ZNF280D: variants seen among roughly 807,000 people sequenced by gnomAD.
ZNF280D encodes the protein suppressor of hairy wing homolog 4.
In ZNF280D, 39 loss-of-function variants were observed where a neutral mutation model predicts 94.7. That is an observed-to-expected ratio of 0.41 (90% confidence interval 0.32 to 0.54). The LOEUF (loss-of-function observed/expected upper bound fraction) is 0.54. Among genes scored for constraint, ZNF280D ranks in the 20% least tolerant of loss-of-function variants. The pLI is 0.22. For missense variants in ZNF280D, 1,090 were observed against 1,149.3 expected (o/e 0.95, Z 0.75); for synonymous variants, 398 against 377.6 (o/e 1.05, Z -0.63).
At chr15:56,634,527 T>C (rs921813888) in intron 21 of ZNF280D, among the ~76,000 whole-genome samples, 1 of 152,048 alleles carries the variant, frequency 6.6e-6, no homozygotes, top group African/African-American at 2.4e-5. Flanking sequence ...ACTTAATCCA[T>C]AACTTGCTTT....
intron 13 of ZNF280D, among the ~76,000 whole-genome samples, chr15:56,673,056 A>G (rs1457589573): frequency 6.6e-6 from 1 of 152,058 alleles, no homozygotes; most frequent in Non-Finnish European, 1.5e-5. Context: ...TAGATACCAA[A>G]ACAATACAGC....
At chr15:56,702,591 TCAA>T (rs2057145617) in intron 4 of ZNF280D, among the ~76,000 whole-genome samples, 1 of 152,194 alleles carries the variant, frequency 6.6e-6, no homozygotes, top group Admixed American at 6.5e-5. Flanking sequence ...TGTCATGTTT[TCAA>T]TAAGAGTTTG....
In ZNF280D at chr15:56,721,170, G is replaced by T. The variant is rs1186023114; in HGVS notation, c.-86+12288C>A. Among the ~76,000 whole-genome samples, 9 of 152,114 alleles carry T rather than the reference G, an allele frequency of 5.9e-5. No individual in the cohort carries two copies. The South Asian group carries it at 1.7e-3, about 28-fold the overall frequency. On this transcript the variant is annotated intron_variant, in intron 1 of 21. Coordinates refer to ENST00000267807, the MANE Select transcript of ZNF280D (RefSeq NM_017661.4). Reference sequence around the variant, plus strand: ...TAGAGACGGGGGTTTCACCATGTTAGCCAGGCTGGTCTCGAACTCCTGGCT... The same window carrying T: ...TAGAGACGGGGGTTTCACCATGTTATCCAGGCTGGTCTCGAACTCCTGGCT...
intron 16 of ZNF280D, among the ~76,000 whole-genome samples, chr15:56,664,843 T>C (rs2054181489): frequency 6.6e-6 from 1 of 152,100 alleles, no homozygotes; most frequent in Non-Finnish European, 1.5e-5. Flanking sequence ...CCAGTGAGCA[T>C]GACTAAAGAT....
At position 56,666,495 on chromosome 15, in the gene ZNF280D, C is replaced by T. The variant is rs769699925; in HGVS notation, c.1894G>A (p.Glu632Lys). 8.1e-6 allele frequency: 13 copies of T among 1,600,956 alleles called. No individual in the cohort carries two copies. The highest frequency in any genetic ancestry group is 6.8e-5 in the South Asian group (6 of 88,080). The change falls in exon 16 of 22, where the codon GAA becomes AAA. Residue 632 changes from glutamate (E) to lysine (K), a missense_variant. By Grantham distance (56) the Glu-to-Lys change is moderately conservative. Transcript: ENST00000267807. ...AAGTGGTTTGCAAAATCTTTTATTTCGGAACAACACTCAATGCATTTGTGA... is the reference window on the plus strand; with the variant it reads ...AAGTGGTTTGCAAAATCTTTTATTTTGGAACAACACTCAATGCATTTGTGA... ...GIHKCIECCSEIKDFANHFPT... is the reference protein window; with the variant it reads ...GIHKCIECCSKIKDFANHFPT...
At chr15:56,718,277 CA>C (rs1567035178) in intron 1 of ZNF280D, among the ~76,000 whole-genome samples, 1 of 151,844 alleles carries the variant, frequency 6.6e-6, no homozygotes, top group Admixed American at 6.6e-5. Context: ...ACACTGAGAA[CA>C]AAAGTCTTGA....
intron 3 of ZNF280D, among the ~76,000 whole-genome samples, chr15:56,706,535 A>G (rs1368334858): frequency 1.3e-5 from 2 of 152,018 alleles, no homozygotes; most frequent in African/African-American, 4.8e-5. Flanking sequence ...AGTCAAGAAG[A>G]GAGGCCTCAA....
intron 21 of ZNF280D, 77 bp downstream of exon 21, chr15:56,635,118 T>C: frequency 1.2e-6 from 1 of 851,576 alleles, no homozygotes; most frequent in Non-Finnish European, 1.8e-6. Flanking sequence ...CTTTGCCAGT[T>C]AACTGTGAAA....
intron 13 of ZNF280D, among the ~76,000 whole-genome samples, chr15:56,671,828 G>C (rs1229711562): frequency 6.6e-6 from 1 of 152,052 alleles, no homozygotes; most frequent in Non-Finnish European, 1.5e-5. Flanking sequence ...TTTTCCATTT[G>C]TTTGTGTCAT....
At chr15:56,652,758 C>T (rs183411950) in intron 19 of ZNF280D, 2 of 985,002 alleles carry the variant, frequency 2.0e-6, no homozygotes, top group African/African-American at 1.7e-5. Context: ...ATTCTTTACA[C>T]CTAAGAACTC....
intron 16 of ZNF280D, 47 bp from the exon 17 acceptor site, chr15:56,658,533 A>G (rs1483458176): frequency 1.5e-6 from 2 of 1,325,320 alleles, no homozygotes; most frequent in South Asian, 1.5e-5. Context: ...ACAATAAGTC[A>G]CATTAATTTA....
rs2057272547 is a variant in ZNF280D at position 56,704,353 on chromosome 15, T to G, written c.29-86A>C. 4 of 1,298,398 alleles carry G rather than the reference T, an allele frequency of 3.1e-6. No homozygotes were observed. The South Asian group carries it at 4.1e-5, about 13-fold the overall frequency. The allele number at this position is 1,298,398 out of a possible 1,614,324, so 80.4% of individuals were successfully genotyped here. On this transcript the variant is annotated intron_variant, in intron 3 of 21. Transcript: ENST00000267807. ...GTAATACATAGCATTAATTTTAAGG[T>G]GTACTTTAATAATCTTAATAGCAAT...
chr15:56,725,431 A>C (rs12913361), intron 1 of ZNF280D, among the ~76,000 whole-genome samples: 76,371 of 151,916 alleles, frequency 0.5, 20,450 homozygotes, highest in East Asian at 0.61. Flanking sequence ...TTTACAAAAA[A>C]AGTGTATTTC....
In ZNF280D at chr15:56,724,078, C is replaced by CACAT. The variant is rs1296370772; in HGVS notation, c.-86+9376_-86+9379dup. Among the ~76,000 whole-genome samples the CACAT allele has an allele frequency of 3.3e-5, 5 of 152,176 alleles. No individual in the cohort carries two copies. The East Asian group carries it at 9.7e-4, about 29-fold the overall frequency. On this transcript the variant is annotated intron_variant, in intron 1 of 21. Coordinates refer to ENST00000267807, the MANE Select transcript of ZNF280D (RefSeq NM_017661.4). ...CTAGTATCACAATATGGTATCATAC[C>CACAT]ACATATCACTAGCCCGGAAAAAGAT...
At chr15:56,691,948 TAA>T (rs1479892791) in intron 7 of ZNF280D, among the ~76,000 whole-genome samples, 1 of 152,110 alleles carries the variant, frequency 6.6e-6, no homozygotes, top group East Asian at 1.9e-4. Flanking sequence ...TTAGGTAACT[TAA>T]TAGAGACTAC....
chr15:56,681,661 G>A (rs554667574), intron 10 of ZNF280D, among the ~76,000 whole-genome samples: 5 of 152,090 alleles, frequency 3.3e-5, no homozygotes, highest in Admixed American at 6.5e-5. Context: ...ACAACTGAAC[G>A]ATTATGAAGT....
rs1410421393 is a variant in ZNF280D at position 56,631,172 on chromosome 15, T to C, written c.*326A>G. 2.3e-5 allele frequency: 5 copies of C among 214,292 alleles called. No homozygotes were observed. The highest frequency in any genetic ancestry group is 4.7e-5 in the Non-Finnish European group (5 of 106,464). The allele number at this position is 214,292 out of a possible 1,614,324, so 13.3% of individuals were successfully genotyped here. On this transcript the variant is annotated 3_prime_UTR_variant, in exon 22 of 22. Transcript: ENST00000267807. ...ATTGATGGAAGTTTGAAAGGCTTTA[T>C]AAATATTACTAATATCATCAATTCA...
chr15:56,637,782 T>C (rs1282852089), intron 20 of ZNF280D, among the ~76,000 whole-genome samples: 2 of 151,958 alleles, frequency 1.3e-5, no homozygotes. Context: ...CCTGTACTAG[T>C]AGTCATTGTA....
rs538802452 is a variant in ZNF280D at position 56,642,859 on chromosome 15, T to C, written c.2259+93A>G. 26 of 714,760 alleles carry C rather than the reference T, an allele frequency of 3.6e-5. No individual in the cohort carries two copies. In the African/African-American group the frequency reaches 4.5e-4, roughly 12 times the overall value. 44.3% of individuals were successfully genotyped at this position (714,760 alleles called of 1,614,324 possible). A position where few individuals can be genotyped will look rare whatever the true frequency, so the allele number is the denominator to read the frequency against. The stretch of plus-strand genomic sequence containing the variant: ...CACAACATCCCAAATATTGTTGATG[T>C]ATGCATGCTGAAATTGAAAAAAAAT... On this transcript the variant is annotated intron_variant, in intron 20 of 21. Coordinates refer to ENST00000267807, the MANE Select transcript of ZNF280D (RefSeq NM_017661.4).
Sources: gnomAD v4.1 joint callset for allele counts (sites outside exome capture counted in the v4.1 genomes callset) on GRCh38, gnomAD v4.1.1 for gene constraint, MANE v1.5 for transcripts, NCBI Gene and HGNC (gene_info 2026-07-23, HGNC 2026-07-21) for gene names.